Variants in KCNT2 observed in about 807,000 individuals in gnomAD.
KCNT2 encodes the protein potassium sodium-activated channel subfamily T member 2.
A neutral mutation model predicts 153.8 loss-of-function variants in KCNT2; 67 were observed. The ratio of observed to expected loss-of-function variants is 0.44; its 90% CI spans 0.36 to 0.53. The LOEUF (loss-of-function observed/expected upper bound fraction) is 0.53. Ranked by LOEUF, KCNT2 falls within the 20% of genes least tolerant of loss-of-function variation. KCNT2 has a pLI of 0.00. For synonymous variants in KCNT2, 500 were observed against 458.8 expected (o/e 1.09, Z -1.15); for missense variants, 975 against 1,354.8 (o/e 0.72, Z 4.40).
At position 196,565,662 on chromosome 1, in the gene KCNT2, T is replaced by G. The variant is rs144919096; in HGVS notation, c.95+42553A>C. Among the ~76,000 whole-genome samples the G allele has an allele frequency of 1.6e-3, 236 of 151,048 alleles. 1 individual carries two copies. Among genetic ancestry groups the G allele is most frequent in the South Asian group, 1.0e-3 (5 of 4,808 alleles). On this transcript the variant is annotated intron_variant, in intron 1 of 27. Coordinates refer to ENST00000294725, the MANE Select transcript of KCNT2 (RefSeq NM_198503.5). ...ACTTAAAAAATGAAATACTATAATT[T>G]GGGACAACATGCATGAACCTAGAGG...
At chr1:196,560,246 G>A (rs1659205618) in intron 1 of KCNT2, among the ~76,000 whole-genome samples, 2 of 151,840 alleles carry the variant, frequency 1.3e-5, no homozygotes, top group African/African-American at 2.4e-5. Context: ...TGCAAAAGAC[G>A]ACAAAACCTA....
chr1:196,403,436 T>C (rs911544780), intron 12 of KCNT2, among the ~76,000 whole-genome samples: 7 of 151,626 alleles, frequency 4.6e-5, no homozygotes, highest in Non-Finnish European at 1.0e-4. Flanking sequence ...CAGATAATAT[T>C]TTTAAGACCC....
intron 1 of KCNT2, among the ~76,000 whole-genome samples, chr1:196,504,929 GTTGT>G (rs1443925449): frequency 3.3e-5 from 5 of 152,240 alleles, no homozygotes; most frequent in South Asian, 4.1e-4. Flanking sequence ...TTTTGATGGG[GTTGT>G]TTGTTTTTTT....
chr1:196,313,641 G>A (rs114234564), intron 21 of KCNT2, among the ~76,000 whole-genome samples: 7,500 of 151,410 alleles, frequency 0.05, 282 homozygotes, highest in Non-Finnish European at 0.071. Context: ...GCCTAGCTTA[G>A]CATACACAGA....
At chr1:196,377,974 A>G (rs967842676) in intron 13 of KCNT2, among the ~76,000 whole-genome samples, 11 of 152,266 alleles carry the variant, frequency 7.2e-5, no homozygotes, top group African/African-American at 2.6e-4. Context: ...AACAAAATCC[A>G]GTAAGTCAGG....
At chr1:196,537,492 T>G (rs954289468) in intron 1 of KCNT2, among the ~76,000 whole-genome samples, 1 of 152,120 alleles carries the variant, frequency 6.6e-6, no homozygotes, top group Non-Finnish European at 1.5e-5. Context: ...GTGCCAGCAC[T>G]CGTGGTATGT....
At chr1:196,587,860 G>A (rs2148993312) in intron 1 of KCNT2, among the ~76,000 whole-genome samples, 1 of 152,116 alleles carries the variant, frequency 6.6e-6, no homozygotes, top group East Asian at 1.9e-4. Context: ...AATTAAGACA[G>A]TTCAAATTAT....
At chr1:196,578,167 ACCTGC>A (rs1661592372) in intron 1 of KCNT2, among the ~76,000 whole-genome samples, 1 of 14,552 alleles carries the variant, frequency 6.9e-5, no homozygotes, top group African/African-American at 7.6e-5. Flanking sequence ...AAATTAGGAA[ACCTGC>A]AGTCTTACCA....
chr1:196,283,421 C>G (rs972585329), intron 23 of KCNT2, among the ~76,000 whole-genome samples: 1 of 151,728 alleles, frequency 6.6e-6, no homozygotes. Flanking sequence ...GGCAACAGAG[C>G]AAGACTCCAT....
At chr1:196,238,434 T>C (rs1654640186) in intron 26 of KCNT2, among the ~76,000 whole-genome samples, 1 of 152,010 alleles carries the variant, frequency 6.6e-6, no homozygotes, top group Non-Finnish European at 1.5e-5. Flanking sequence ...AATTCAATTA[T>C]TATACATGGC....
chr1:196,342,249 C>T (rs1289529972), intron 14 of KCNT2, 21 bp from the exon 15 acceptor site: 2 of 1,589,288 alleles, frequency 1.3e-6, no homozygotes. Context: ...GGCACACACA[C>T]ATACACACAC....
chr1:196,297,823 A>G (rs1412799690), intron 22 of KCNT2, among the ~76,000 whole-genome samples: 1 of 152,216 alleles, frequency 6.6e-6, no homozygotes, highest in African/African-American at 2.4e-5. Flanking sequence ...AGAAAAAATT[A>G]GTAGGACAAT....
chr1:196,513,249 ATGCTCACT>A (rs1681782111), intron 1 of KCNT2, among the ~76,000 whole-genome samples: 1 of 152,196 alleles, frequency 6.6e-6, no homozygotes, highest in Non-Finnish European at 1.5e-5. Context: ...TTCAAAGTGA[ATGCTCACT>A]AATATATACT....
intron 1 of KCNT2, among the ~76,000 whole-genome samples, chr1:196,585,376 G>T (rs975575073): frequency 5.9e-5 from 9 of 152,082 alleles, no homozygotes; most frequent in African/African-American, 2.2e-4. Context: ...AATAAACTGT[G>T]AAGAGAGGAA....
At chr1:196,578,943 G>A (rs186890675) in intron 1 of KCNT2, among the ~76,000 whole-genome samples, 149 of 152,072 alleles carry the variant, frequency 9.8e-4, no homozygotes, top group African/African-American at 3.5e-3. Flanking sequence ...AAATGGAGAG[G>A]AAAGTACAGA....
chr1:196,227,055 A>G lies in KCNT2; in HGVS notation c.*1169T>C, dbSNP rs1244092159. ...TGGTCAATTTATATTTAAATTTATAACTCAAATTCTGCATGATTTGCATTA... is the reference window on the plus strand; with the variant it reads ...TGGTCAATTTATATTTAAATTTATAGCTCAAATTCTGCATGATTTGCATTA... On this transcript the variant is annotated 3_prime_UTR_variant, in exon 28 of 28. Transcript: ENST00000294725. 1.3e-5 allele frequency: 2 copies of G among 152,024 alleles called. No homozygotes were observed. The highest frequency in any genetic ancestry group is 3.8e-4 in the East Asian group (2 of 5,202). The allele number at this position is 152,024 out of a possible 1,614,324, so 9.4% of individuals were successfully genotyped here.
chr1:196,291,585 G>C (rs1370519093), intron 22 of KCNT2, among the ~76,000 whole-genome samples: 1 of 152,074 alleles, frequency 6.6e-6, no homozygotes, highest in African/African-American at 2.4e-5. Context: ...TATCCAGTTA[G>C]ATTTTTGTGA....
intron 1 of KCNT2, among the ~76,000 whole-genome samples, chr1:196,533,767 A>C (rs1655224742): frequency 6.6e-6 from 1 of 152,150 alleles, no homozygotes; most frequent in African/African-American, 2.4e-5. Context: ...TTTTGTTTTC[A>C]TAGAGCTCTT....
intron 14 of KCNT2, 130 bp from the exon 15 acceptor site, chr1:196,342,358 G>C: frequency 1.7e-6 from 1 of 601,142 alleles, no homozygotes; most frequent in Non-Finnish European, 2.6e-6. Flanking sequence ...AGGAGCATCT[G>C]AGTAATGCTT....
Sources: allele counts gnomAD v4.1 joint callset (sites outside exome capture counted in the v4.1 genomes callset), GRCh38; gene constraint gnomAD v4.1.1; transcripts MANE v1.5; gene names NCBI Gene and HGNC (gene_info 2026-07-23, HGNC 2026-07-21).